The following FBXO25 variants were observed in gnomAD, a reference collection of about 807,000 sequenced individuals.
FBXO25 encodes the protein F-box only protein 25.
In FBXO25, 45 loss-of-function variants were observed where a neutral mutation model predicts 51.9. The observed-to-expected ratio is 0.87, with a 90% CI of 0.68 to 1.11. FBXO25 has a LOEUF of 1.11. Ranked by LOEUF, FBXO25 falls within the 50% of genes most tolerant of loss-of-function variation. The pLI, the probability that FBXO25 is intolerant of heterozygous loss-of-function variation, is 0.00. For synonymous variants in FBXO25, 199 were observed against 151.0 expected (o/e 1.32, Z -2.33); for missense variants, 507 against 428.5 (o/e 1.18, Z -1.62).
chr8:452,465 T>C (rs1411138377), intron 7 of FBXO25, among the ~76,000 whole-genome samples: 2 of 152,358 alleles, frequency 1.3e-5, no homozygotes, highest in Admixed American at 6.5e-5. Context: ...AAGACACTTA[T>C]GCATGGCATG....
intron 9 of FBXO25, chr8:467,948 C>T: frequency 7.1e-7 from 1 of 1,416,050 alleles, no homozygotes; most frequent in Non-Finnish European, 9.2e-7. Flanking sequence ...AAATATTTTG[C>T]AGAACAACAC....
rs7013349 is a variant in FBXO25 at position 471,858 on chromosome 8, A to T, written c.*3054A>T. 6.6e-6 allele frequency: 1 copy of T among 152,036 alleles called. No homozygotes were observed. Among genetic ancestry groups the T allele is most frequent in the African/African-American group, 2.4e-5 (1 of 41,388 alleles). 9.4% of individuals were successfully genotyped at this position (152,036 alleles called of 1,614,324 possible). A position where few individuals can be genotyped will look rare whatever the true frequency, so the allele number is the denominator to read the frequency against. ...GTGTGCGTACTGTACAGGGCTGTACACAGCAAACTGTGTCTACTTTATGGA... is the reference window on the plus strand; with the variant it reads ...GTGTGCGTACTGTACAGGGCTGTACTCAGCAAACTGTGTCTACTTTATGGA... On this transcript the variant is annotated 3_prime_UTR_variant, in exon 10 of 10. Coordinates refer to ENST00000350302, the MANE Select transcript of FBXO25 (RefSeq NM_183420.2).
chr8:467,854 G>A (rs995450583), intron 9 of FBXO25: 10 of 1,585,510 alleles, frequency 6.3e-6, no homozygotes, highest in African/African-American at 4.0e-5. Context: ...TCCAGCTCTC[G>A]CTGACTTGAG....
intron 1 of FBXO25, among the ~76,000 whole-genome samples, chr8:409,384 G>A (rs1482248863): frequency 6.6e-6 from 1 of 152,084 alleles, no homozygotes; most frequent in African/African-American, 2.4e-5. Context: ...TATTTCCATG[G>A]CTGCATTTCA....
Position 432,755 on chromosome 8 carries a change from G to A in FBXO25, c.239-131G>A, listed in dbSNP as rs1006789569. 1.7e-5 allele frequency: 20 copies of A among 1,185,244 alleles called. No individual in the cohort carries two copies. The Admixed American group carries it at 1.9e-4, about 11-fold the overall frequency. 73.4% of individuals were successfully genotyped at this position (1,185,244 alleles called of 1,614,324 possible). On this transcript the variant is annotated intron_variant, in intron 3 of 9. Coordinates refer to ENST00000350302, the MANE Select transcript of FBXO25 (RefSeq NM_183420.2). ...AGCAATTCTGTTTGCATTCACCCAC[G>A]TAAAAGCATTTCTTGTCAATATAGT...
At chr8:428,746 T>A (rs575198790) in intron 2 of FBXO25, among the ~76,000 whole-genome samples, 4 of 152,340 alleles carry the variant, frequency 2.6e-5, no homozygotes, top group Middle Eastern at 3.4e-3. Context: ...ATTTTCTGTT[T>A]GTATGATTTG....
chr8:461,276 C>T (rs1799792009), intron 8 of FBXO25, among the ~76,000 whole-genome samples: 1 of 152,142 alleles, frequency 6.6e-6, no homozygotes, highest in Non-Finnish European at 1.5e-5. Flanking sequence ...TGTATTAGTC[C>T]ATTCTCCGCT....
chr8:466,028 C>T (rs145443305), intron 9 of FBXO25, among the ~76,000 whole-genome samples: 81 of 152,236 alleles, frequency 5.3e-4, no homozygotes, highest in Non-Finnish European at 9.8e-4. Context: ...CATGTCTTGC[C>T]CTTGGAGGCT....
At chr8:455,226 C>G (rs1376062991) in intron 7 of FBXO25, among the ~76,000 whole-genome samples, 1 of 152,216 alleles carries the variant, frequency 6.6e-6, no homozygotes, top group African/African-American at 2.4e-5. Flanking sequence ...AGAGCCTTTG[C>G]TGCTCTCTGC....
At chr8:468,361 A>T in intron 9 of FBXO25, 1 of 782,670 alleles carries the variant, frequency 1.3e-6, no homozygotes, top group Non-Finnish European at 1.6e-6. Context: ...AATGGCTGGG[A>T]CCAGAGGACA....
intron 2 of FBXO25, among the ~76,000 whole-genome samples, chr8:422,292 A>T (rs1797204756): frequency 6.6e-6 from 1 of 152,250 alleles, no homozygotes; most frequent in Admixed American, 6.5e-5. Flanking sequence ...TGAATGGCAC[A>T]TCATCTGTGG....
chr8:462,729 A>G (rs551954682), intron 8 of FBXO25, among the ~76,000 whole-genome samples: 13 of 152,294 alleles, frequency 8.5e-5, no homozygotes, highest in African/African-American at 3.1e-4. Context: ...GGTATAATAC[A>G]CATTGGAGAC....
At chr8:409,583 A>G (rs1207641461) in intron 1 of FBXO25, among the ~76,000 whole-genome samples, 3 of 152,208 alleles carry the variant, frequency 2.0e-5, no homozygotes, top group East Asian at 1.9e-4. Context: ...ACTAGAAGAT[A>G]AGTGTATTAA....
chr8:447,925 A>G (rs1798841633), intron 5 of FBXO25, among the ~76,000 whole-genome samples: 2 of 152,126 alleles, frequency 1.3e-5, no homozygotes, highest in Admixed American at 6.5e-5. Flanking sequence ...TTGGCAGAAG[A>G]AAGGATGGCA....
In FBXO25 at chr8:474,709, A is replaced by G. The variant is rs772245931; in HGVS notation, c.*5905A>G. The G allele has an allele frequency of 1.0e-4, 47 of 454,338 alleles. No individual in the cohort carries two copies. Among genetic ancestry groups the G allele is most frequent in the Non-Finnish European group, 1.6e-4 (36 of 226,484 alleles). The allele number at this position is 454,338 out of a possible 1,614,324, so 28.1% of individuals were successfully genotyped here. A position where few individuals can be genotyped will look rare whatever the true frequency, so the allele number is the denominator to read the frequency against. On this transcript the variant is annotated 3_prime_UTR_variant, in exon 10 of 10. Transcript: ENST00000350302. ...TATTTGGGCTCTTTGTCCATTTTTC[A>G]ATCAGGTGTGTGTTTTTATATGTTC...
rs774091588 is a variant in FBXO25 at position 451,457 on chromosome 8, T to G, written c.660+4T>G. ...ACAGGATCTTCAGATGACTAAGGTATAAATATCTCGGCATAAGAGTTATTA... is the reference window on the plus strand; with the variant it reads ...ACAGGATCTTCAGATGACTAAGGTAGAAATATCTCGGCATAAGAGTTATTA... On this transcript the variant is annotated splice_donor_region_variant and intron_variant, in intron 7 of 9. Transcript: ENST00000350302. 1 of 1,612,274 alleles carries G rather than the reference T, an allele frequency of 6.2e-7. No individual in the cohort carries two copies. The highest frequency in any genetic ancestry group is 8.5e-7 in the Non-Finnish European group (1 of 1,179,302).
At chr8:438,708 C>G (rs1034499092) in intron 5 of FBXO25, among the ~76,000 whole-genome samples, 1 of 152,196 alleles carries the variant, frequency 6.6e-6, no homozygotes, top group African/African-American at 2.4e-5. Context: ...GATCAACGTA[C>G]CTTGGCTTTT....
At chr8:447,070 A>G (rs185696423) in intron 5 of FBXO25, among the ~76,000 whole-genome samples, 1 of 152,208 alleles carries the variant, frequency 6.6e-6, no homozygotes, top group Non-Finnish European at 1.5e-5. Context: ...TAACAAAAGC[A>G]CTCGTCAGGG....
In FBXO25 at chr8:470,301, C is replaced by CA. The variant is rs1372035120; in HGVS notation, c.*1500dup. 1 of 152,112 alleles carries CA rather than the reference C, an allele frequency of 6.6e-6. No individual in the cohort carries two copies. Among genetic ancestry groups the CA allele is most frequent in the Non-Finnish European group, 1.5e-5 (1 of 68,026 alleles). The allele number at this position is 152,112 out of a possible 1,614,324, so 9.4% of individuals were successfully genotyped here. On this transcript the variant is annotated 3_prime_UTR_variant, in exon 10 of 10. Transcript: ENST00000350302. Reference sequence around the variant, plus strand: ...TGGTAGTACAGCCAACATCATGAGTCAAACATATTTTAAGGCTTTTAAATA... The same window carrying CA: ...TGGTAGTACAGCCAACATCATGAGTCAAAACATATTTTAAGGCTTTTAAATA...
Sources: allele counts gnomAD v4.1 joint callset (sites outside exome capture counted in the v4.1 genomes callset), GRCh38; gene constraint gnomAD v4.1.1; transcripts MANE v1.5; gene names NCBI Gene and HGNC (gene_info 2026-07-23, HGNC 2026-07-21).